Variants in GTSE1 observed in about 807,000 individuals in gnomAD.
The protein encoded by GTSE1 is G2 and S phase-expressed protein 1.
GTSE1 carries 52 observed loss-of-function variants against 60.5 expected under a neutral mutation model. The ratio of observed to expected loss-of-function variants is 0.86; its 90% confidence interval spans 0.69 to 1.08. The LOEUF is 1.08. Ranked by LOEUF, GTSE1 falls within the 50% of genes least tolerant of loss-of-function variation. GTSE1 has a pLI of 0.00. For missense variants in GTSE1, 937 were observed against 961.8 expected, an observed-to-expected ratio of 0.97 and a Z score of 0.34; for synonymous variants, 368 against 386.5, an observed-to-expected ratio of 0.95 and a Z score of 0.56.
Position 46,313,895 on chromosome 22 carries a change from G to A in GTSE1, c.933G>A (p.Gly311=), listed in dbSNP as rs2077763098. 2.5e-6 allele frequency: 4 copies of A among 1,614,122 alleles called. No individual in the cohort carries two copies. In the Middle Eastern group the frequency reaches 4.9e-4, roughly 200 times the overall value. The change falls in exon 6 of 12, where the codon GGG becomes GGA. Residue 311 remains glycine (G), a synonymous_variant. Coordinates refer to ENST00000454366, the MANE Select transcript of GTSE1 (RefSeq NM_016426.7). This position sits in a 1 kb window ranked among gnomAD's most constrained non-coding sequence, Gnocchi z 4.4. ...KRAIPVPNKL[G]LKKTLLKAPG... is the part of the protein sequence containing the mutation. ...TTTTTCACATTTTGCCCCAGTTGGG[G>A]CTGAAGAAGACCCTGTTAAAAGCAC...
In GTSE1 at chr22:46,320,075, G is replaced by A. The variant is rs1038399894; in HGVS notation, c.1433-3115G>A. ...CACCCTACGGCCCAGGTCATGTGGA[G>A]GTGTGTTCAGTAGTGTTTGCTTCCC... On this transcript the variant is annotated intron_variant, in intron 7 of 11. Coordinates refer to ENST00000454366, the MANE Select transcript of GTSE1 (RefSeq NM_016426.7). This position sits in a 1 kb window ranked among gnomAD's most constrained non-coding sequence, Gnocchi z 7.1. Among the ~76,000 whole-genome samples the A allele has an allele frequency of 1.3e-5, 2 of 152,188 alleles. No homozygotes were observed. The highest frequency in any genetic ancestry group is 2.4e-5 in the African/African-American group (1 of 41,450).
intron 2 of GTSE1, among the ~76,000 whole-genome samples, chr22:46,301,561 C>T (rs1027920309): frequency 1.3e-5 from 2 of 151,236 alleles, no homozygotes; most frequent in African/African-American, 4.9e-5. Flanking sequence ...GATCTCGGCT[C>T]ACTGCAAACT....
chr22:46,298,858 C>T (rs908348485), intron 2 of GTSE1, among the ~76,000 whole-genome samples: 1 of 152,228 alleles, frequency 6.6e-6, no homozygotes, highest in Non-Finnish European at 1.5e-5. Flanking sequence ...TCATGCGCAT[C>T]CACATACAGA....
intron 2 of GTSE1, among the ~76,000 whole-genome samples, chr22:46,306,379 C>T (rs1385483981): frequency 6.6e-6 from 1 of 151,764 alleles, no homozygotes; most frequent in Non-Finnish European, 1.5e-5. Flanking sequence ...GACAGGGTTT[C>T]ACCATGTTAG....
chr22:46,326,100 A>C (rs1266957543), intron 8 of GTSE1, among the ~76,000 whole-genome samples: 1 of 152,274 alleles, frequency 6.6e-6, no homozygotes, highest in African/African-American at 2.4e-5. Context: ...TGATTTGCTC[A>C]GTCTCTTCTG....
chr22:46,301,918 C>A (rs904970896), intron 2 of GTSE1, among the ~76,000 whole-genome samples: 5 of 152,124 alleles, frequency 3.3e-5, no homozygotes, highest in Non-Finnish European at 5.9e-5. Context: ...CACCTGAGAT[C>A]GGGAGTTCCA....
intron 9 of GTSE1, among the ~76,000 whole-genome samples, chr22:46,327,550 C>T (rs1007033670): frequency 5.8e-4 from 89 of 152,260 alleles, no homozygotes; most frequent in African/African-American, 2.0e-3. Context: ...TGGCATGCGC[C>T]TGTAATCCCA....
At chr22:46,307,237 C>T (rs919471169) in intron 2 of GTSE1, among the ~76,000 whole-genome samples, 5 of 152,164 alleles carry the variant, frequency 3.3e-5, no homozygotes, top group African/African-American at 9.7e-5. Context: ...TGGCGGTCAA[C>T]GAATTCTTAT....
In GTSE1 at chr22:46,314,088, CTG is replaced by C; in HGVS notation, c.1051+77_1051+78del. ...TGGAGTGCTGCTCAGGCCTTGGAGACTGTTTCTGCAGAACCACTTAGGCTTGG... is the reference window on the plus strand; with the variant it reads ...TGGAGTGCTGCTCAGGCCTTGGAGACTTTCTGCAGAACCACTTAGGCTTGG... On this transcript the variant is annotated intron_variant, in intron 6 of 11. Transcript: ENST00000454366. This position sits in a 1 kb window ranked among gnomAD's most constrained non-coding sequence, Gnocchi z 7.1. The C allele has an allele frequency of 6.4e-7, 1 of 1,568,684 alleles. No homozygotes were observed. The highest frequency in any genetic ancestry group is 8.7e-7 in the Non-Finnish European group (1 of 1,144,854).
intron 2 of GTSE1, among the ~76,000 whole-genome samples, chr22:46,306,621 C>T (rs2077716940): frequency 6.6e-6 from 1 of 152,200 alleles, no homozygotes; most frequent in Non-Finnish European, 1.5e-5. Flanking sequence ...GCTGGGATTA[C>T]AGGTGCACAC....
chr22:46,313,875 C>A lies in GTSE1; in HGVS notation c.928-15C>A. ...GAGATCTTTGCTGATTCTGTTTTTT[C>A]ACATTTTGCCCCAGTTGGGGCTGAA... is the stretch of plus-strand genomic sequence containing the variant. On this transcript the variant is annotated splice_polypyrimidine_tract_variant and intron_variant, in intron 5 of 11. Transcript: ENST00000454366. The surrounding 1 kb of genome is among the most constrained non-coding windows in gnomAD (Gnocchi z 4.4). 6.2e-7 allele frequency: 1 copy of A among 1,613,118 alleles called. No homozygotes were observed. The highest frequency in any genetic ancestry group is 2.2e-5 in the East Asian group (1 of 44,880).
Position 46,329,830 on chromosome 22 carries a change from G to A in GTSE1, c.2137-217G>A, listed in dbSNP as rs576192732. Reference sequence around the variant, plus strand: ...CCATAGACCCCAGGGCCAGATGTGGGACAGAGGAATGTGCATGGTGGGGGC... The same window carrying A: ...CCATAGACCCCAGGGCCAGATGTGGAACAGAGGAATGTGCATGGTGGGGGC... On this transcript the variant is annotated intron_variant, in intron 11 of 11. Transcript: ENST00000454366. This position sits in a 1 kb window ranked among gnomAD's most constrained non-coding sequence, Gnocchi z 6.4. Among the ~76,000 whole-genome samples the A allele has an allele frequency of 6.6e-6, 1 of 152,334 alleles. No individual in the cohort carries two copies. Among genetic ancestry groups the A allele is most frequent in the Admixed American group, 6.5e-5 (1 of 15,300 alleles).
chr22:46,313,801 C>G lies in GTSE1; in HGVS notation c.928-89C>G. ...GGATTACAGGCGTGAGCCACCGTGC[C>G]CAGCCAAAAACCCCTTACTTTTGCA... On this transcript the variant is annotated intron_variant, in intron 5 of 11. Coordinates refer to ENST00000454366, the MANE Select transcript of GTSE1 (RefSeq NM_016426.7). The surrounding 1 kb of genome is among the most constrained non-coding windows in gnomAD (Gnocchi z 4.4). The G allele has an allele frequency of 4.7e-6, 7 of 1,489,882 alleles. No homozygotes were observed. In the South Asian group the frequency reaches 6.9e-5, roughly 15 times the overall value. 92.3% of individuals were successfully genotyped at this position (1,489,882 alleles called of 1,614,324 possible).
chr22:46,316,516 T>A lies in GTSE1; in HGVS notation c.1432+104T>A. ...GGCATTGATGGTGTTTTTAGTTCTT[T>A]CCTCCAACAGTGCTTTCAGGTGTGA... On this transcript the variant is annotated intron_variant, in intron 7 of 11. Transcript: ENST00000454366. The surrounding 1 kb of genome is among the most constrained non-coding windows in gnomAD (Gnocchi z 5.0). 1.2e-6 allele frequency: 1 copy of A among 864,388 alleles called. No individual in the cohort carries two copies. Among genetic ancestry groups the A allele is most frequent in the Non-Finnish European group, 1.8e-6 (1 of 551,294 alleles). The allele number at this position is 864,388 out of a possible 1,614,324, so 53.5% of individuals were successfully genotyped here. A position where few individuals can be genotyped will look rare whatever the true frequency, so the allele number is the denominator to read the frequency against.
At chr22:46,326,300 G>C (rs952331152) in intron 8 of GTSE1, 136 bp from the exon 9 acceptor site, 1 of 666,064 alleles carries the variant, frequency 1.5e-6, no homozygotes, top group Non-Finnish European at 2.4e-6. Flanking sequence ...GGAGAGCGGA[G>C]CTCACACGGG....
At chr22:46,312,340 C>T in intron 5 of GTSE1, 35 bp downstream of exon 5, 1 of 1,585,436 alleles carries the variant, frequency 6.3e-7, no homozygotes, top group Non-Finnish European at 8.6e-7. Flanking sequence ...CTTGTGGTTG[C>T]TGGGAATGAG....
At chr22:46,315,429 G>A (rs1348085961) in intron 6 of GTSE1, among the ~76,000 whole-genome samples, 1 of 152,096 alleles carries the variant, frequency 6.6e-6, no homozygotes, top group African/African-American at 2.4e-5. Flanking sequence ...TCCTGGCCTT[G>A]AGTGATCTCT....
chr22:46,330,308 C>T lies in GTSE1; in HGVS notation c.*178C>T. 3.6e-6 allele frequency: 2 copies of T among 553,702 alleles called. No homozygotes were observed. The highest frequency in any genetic ancestry group is 2.1e-5 in the South Asian group (1 of 47,774). The allele number at this position is 553,702 out of a possible 1,614,324, so 34.3% of individuals were successfully genotyped here. ...CCAGCCTGGGAAATATAGTGAAACT[C>T]CTGTCCCTACAAAAAATACAAAAAT... On this transcript the variant is annotated 3_prime_UTR_variant, in exon 12 of 12. Coordinates refer to ENST00000454366, the MANE Select transcript of GTSE1 (RefSeq NM_016426.7). This position sits in a 1 kb window ranked among gnomAD's most constrained non-coding sequence, Gnocchi z 6.0.
chr22:46,323,331 C>A (rs1011103341), intron 8 of GTSE1, 69 bp downstream of exon 8: 3 of 1,192,108 alleles, frequency 2.5e-6, no homozygotes, highest in South Asian at 1.2e-5. Flanking sequence ...TTACCTCAAC[C>A]ATTTGGTAAC....
Sources: gnomAD v4.1 joint callset for allele counts (sites outside exome capture counted in the v4.1 genomes callset) on GRCh38, gnomAD v4.1.1 for gene constraint, Gnocchi (gnomAD v3.1) non-coding constraint, MANE v1.5 for transcripts, NCBI Gene and HGNC (gene_info 2026-07-23, HGNC 2026-07-21) for gene names.